Variants in AKAP7 observed in about 807,000 individuals in gnomAD.
AKAP7 encodes the protein A kinase (PRKA) anchor protein 7.
Under a neutral mutation model 39.5 loss-of-function variants are expected in AKAP7, and 39 were observed. The observed-to-expected ratio is 0.99, with a 90% CI of 0.76 to 1.29. The LOEUF (loss-of-function observed/expected upper bound fraction) is 1.29, where lower values mean the gene tolerates loss of function less well. Among genes scored for constraint, AKAP7 ranks in the 50% most tolerant of loss-of-function variants. The probability of loss-of-function intolerance (pLI) is 0.00; values close to 1 mark genes in which losing one functional copy is unlikely to be tolerated. For missense variants in AKAP7, 414 were observed against 407.7 expected (o/e 1.02, Z -0.13); for synonymous variants, 140 against 139.1 (o/e 1.01, Z -0.05).
chr6:131,280,022 A>G (rs1266177962), intron 7 of AKAP7, among the ~76,000 whole-genome samples: 1 of 152,216 alleles, frequency 6.6e-6, no homozygotes, highest in Admixed American at 6.5e-5. Context: ...CTGATAAACA[A>G]AAAGTCTTAA....
At chr6:131,225,183 T>A (rs546950070) in intron 7 of AKAP7, among the ~76,000 whole-genome samples, 1 of 152,252 alleles carries the variant, frequency 6.6e-6, no homozygotes, top group Non-Finnish European at 1.5e-5. Flanking sequence ...AAAAAAATTC[T>A]GTGATTCCTT....
chr6:131,128,843 A>G, the AKAP7 span, among the ~76,000 whole-genome samples: 1 of 151,888 alleles, frequency 6.6e-6, no homozygotes, highest in Admixed American at 6.6e-5. Context: ...AAAAAAGGAA[A>G]TAATTAAAAA....
chr6:131,247,292 TATATATATATATATATATATATG>T (rs1347749779), intron 7 of AKAP7, among the ~76,000 whole-genome samples: 1 of 122,012 alleles, frequency 8.2e-6, no homozygotes, highest in African/African-American at 3.7e-5. Context: ...TATATATATA[TATATATATATATATATATATATG>T]TTTTTTTTTT....
At chr6:131,260,942 A>C (rs1343550138) in intron 7 of AKAP7, among the ~76,000 whole-genome samples, 1 of 152,184 alleles carries the variant, frequency 6.6e-6, no homozygotes, top group African/African-American at 2.4e-5. Flanking sequence ...CATGACTGTA[A>C]TCCCAGCACT....
intron 6 of AKAP7, among the ~76,000 whole-genome samples, chr6:131,203,467 G>C: frequency 6.6e-6 from 1 of 152,036 alleles, no homozygotes. Flanking sequence ...TAATCCACTT[G>C]CATGTTAGGA....
chr6:131,260,174 T>C (rs1033653610), intron 7 of AKAP7, among the ~76,000 whole-genome samples: 1 of 152,232 alleles, frequency 6.6e-6, no homozygotes, highest in Non-Finnish European at 1.5e-5. Flanking sequence ...ATGGTGTATA[T>C]GTACCACATT....
chr6:131,235,437 CT>C (rs1810968234), intron 7 of AKAP7, among the ~76,000 whole-genome samples: 1 of 152,124 alleles, frequency 6.6e-6, no homozygotes, highest in Admixed American at 6.5e-5. Flanking sequence ...AATGGGATGG[CT>C]GGGTCAAATG....
At chr6:131,213,620 A>G (rs1396300209) in intron 6 of AKAP7, among the ~76,000 whole-genome samples, 1 of 152,170 alleles carries the variant, frequency 6.6e-6, no homozygotes, top group Non-Finnish European at 1.5e-5. Context: ...TTGAGTGCTC[A>G]GCTGAGACTG....
Position 131,135,677 on chromosome 6 carries a change from C to T in AKAP7, c.-87C>T, listed in dbSNP as rs1800470821. 2 of 1,091,056 alleles carry T rather than the reference C, an allele frequency of 1.8e-6. No individual in the cohort carries two copies. Among genetic ancestry groups the T allele is most frequent in the Non-Finnish European group, 1.1e-6 (1 of 897,142 alleles). 67.6% of individuals were successfully genotyped at this position (1,091,056 alleles called of 1,614,324 possible). A position where few individuals can be genotyped will look rare whatever the true frequency, so the allele number is the denominator to read the frequency against. Reference sequence around the variant, plus strand: ...AGGCCCCGAGCCCCGCCCTGGCCTCCGCCTCGGCCTCGCCTCCAGCCCCGG... The same window carrying T: ...AGGCCCCGAGCCCCGCCCTGGCCTCTGCCTCGGCCTCGCCTCCAGCCCCGG... On this transcript the variant is annotated 5_prime_UTR_variant, in exon 1 of 8. Coordinates refer to ENST00000431975, the MANE Select transcript of AKAP7 (RefSeq NM_016377.4).
intron 6 of AKAP7, among the ~76,000 whole-genome samples, chr6:131,201,668 A>C (rs1312660808): frequency 6.6e-6 from 1 of 152,130 alleles, no homozygotes; most frequent in African/African-American, 2.4e-5. Flanking sequence ...GTCCTTGCCC[A>C]TGCCTATGTC....
At chr6:131,159,625 T>C (rs952801404) in intron 2 of AKAP7, among the ~76,000 whole-genome samples, 3 of 152,200 alleles carry the variant, frequency 2.0e-5, no homozygotes, top group Non-Finnish European at 4.4e-5. Flanking sequence ...ACCAAAACTT[T>C]GTGTGGCAGT....
At chr6:131,241,613 G>GTATATACGTATATATATA (rs1444377533) in intron 7 of AKAP7, among the ~76,000 whole-genome samples, 3 of 102,352 alleles carry the variant, frequency 2.9e-5, no homozygotes, top group African/African-American at 1.0e-4. Context: ...GTGTGTGTGT[G>GTATATACGTATATATATA]TGTGTGTGTG....
In AKAP7 at chr6:131,269,357, T is replaced by C. The variant is rs1814083862; in HGVS notation, c.851-12173T>C. ...GCCCCTGTGCCCAGTCTAGAATGCA[T>C]ACTACTTTTAACACTACTCAGAATT... On this transcript the variant is annotated intron_variant, in intron 7 of 7. Transcript: ENST00000431975. Among the ~76,000 whole-genome samples, 3 of 152,198 alleles carry C rather than the reference T, an allele frequency of 2.0e-5. No homozygotes were observed. In the South Asian group the frequency reaches 6.2e-4, roughly 32 times the overall value.
intron 1 of AKAP7, chr6:131,137,337 T>A (rs1800639587): frequency 6.6e-6 from 1 of 152,052 alleles, no homozygotes; most frequent in Non-Finnish European, 1.5e-5. Context: ...TTAGGAAACC[T>A]GCATTTTGTG....
At chr6:131,171,280 G>A (rs1189845022) in intron 5 of AKAP7, among the ~76,000 whole-genome samples, 2 of 152,142 alleles carry the variant, frequency 1.3e-5, no homozygotes, top group Admixed American at 1.3e-4. Flanking sequence ...TAGAGGCAGA[G>A]GCACAGAGTA....
At chr6:131,171,928 A>G (rs915883070) in intron 5 of AKAP7, among the ~76,000 whole-genome samples, 1 of 152,182 alleles carries the variant, frequency 6.6e-6, no homozygotes, top group African/African-American at 2.4e-5. Flanking sequence ...ATAGAGTAAT[A>G]GGGCTGAAGA....
intron 6 of AKAP7, among the ~76,000 whole-genome samples, chr6:131,206,438 T>A (rs1808102523): frequency 6.6e-6 from 1 of 152,110 alleles, no homozygotes; most frequent in East Asian, 1.9e-4. Context: ...AAGTAAGGGC[T>A]GAAGGGTGAT....
chr6:131,249,258 CTT>C (rs1812257071), intron 7 of AKAP7, among the ~76,000 whole-genome samples: 1 of 151,990 alleles, frequency 6.6e-6, no homozygotes, highest in Non-Finnish European at 1.5e-5. Flanking sequence ...CTCAAATACT[CTT>C]TGATATTTGC....
intron 7 of AKAP7, among the ~76,000 whole-genome samples, chr6:131,280,913 ATT>A (rs991280595): frequency 1.3e-5 from 2 of 152,138 alleles, no homozygotes; most frequent in African/African-American, 4.8e-5. Flanking sequence ...CATAATCCTA[ATT>A]TTTCTTTAAA....
Sources: gnomAD v4.1 joint callset for allele counts (sites outside exome capture counted in the v4.1 genomes callset) on GRCh38, gnomAD v4.1.1 for gene constraint, MANE v1.5 for transcripts, NCBI Gene and HGNC (gene_info 2026-07-23, HGNC 2026-07-21) for gene names.